Variants in SMARCB1 observed in about 807,000 individuals in gnomAD.
The protein encoded by SMARCB1 is SWI/SNF-related matrix-associated actin-dependent regulator of chromatin subfamily B member 1.
SMARCB1 carries 5 observed loss-of-function variants against 49.0 expected under a neutral mutation model. The observed-to-expected ratio is 0.10, with a 90% CI of 0.05 to 0.21. The LOEUF (loss-of-function observed/expected upper bound fraction) is 0.21. SMARCB1 is among the 10% of genes least tolerant of loss of function. SMARCB1 has a pLI of 1.00. For synonymous variants in SMARCB1, 201 were observed against 200.1 expected (o/e 1.00, Z -0.04); for missense variants, 226 against 509.2 (o/e 0.44, Z 5.35).
chr22:23,814,448 C>G (rs1185217238), intron 5 of SMARCB1, among the ~76,000 whole-genome samples: 2 of 152,078 alleles, frequency 1.3e-5, no homozygotes, highest in Non-Finnish European at 2.9e-5. Context: ...GGCAGATCAC[C>G]TGAGATCACG....
At chr22:23,825,784 G>T in intron 7 of SMARCB1, 1 of 251,094 alleles carries the variant, frequency 4.0e-6, no homozygotes, top group Non-Finnish European at 7.7e-6. Flanking sequence ...GGTGACCCCT[G>T]CCCAGGGTTC....
intron 1 of SMARCB1, among the ~76,000 whole-genome samples, chr22:23,787,891 C>G (rs1287986004): frequency 6.6e-6 from 1 of 152,154 alleles, no homozygotes; most frequent in Non-Finnish European, 1.5e-5. Flanking sequence ...TATCTGTGAA[C>G]TGATTCTGAA....
chr22:23,810,332 C>G (rs112775985), intron 5 of SMARCB1, among the ~76,000 whole-genome samples: 16,288 of 151,288 alleles, frequency 0.11, 1,117 homozygotes, highest in Middle Eastern at 0.22. Context: ...TGAGACCAGC[C>G]TGACCAATAT....
intron 2 of SMARCB1, 45 bp downstream of exon 2, chr22:23,791,939 C>G (rs1928407615): frequency 6.3e-7 from 1 of 1,599,672 alleles, no homozygotes; most frequent in Non-Finnish European, 8.6e-7. Flanking sequence ...AAACCACTCG[C>G]TTATGTCATG....
intron 3 of SMARCB1, among the ~76,000 whole-genome samples, chr22:23,795,213 A>G (rs35922538): frequency 1.1e-3 from 166 of 152,174 alleles, no homozygotes; most frequent in Non-Finnish European, 2.2e-3. Context: ...GCTTGAGCCC[A>G]CGATTTGACT....
chr22:23,837,868 A>G lies in SMARCB1; in HGVS notation c.*3688A>G. On this transcript the variant is annotated 3_prime_UTR_variant, in exon 9 of 9. Transcript: ENST00000644036. ...GAGTCCCAGCAGCTGGGCCAGAGTC[A>G]AGGTGCTCCGGTGCAGGCCTCAGCC... 1 of 1,607,120 alleles carries G rather than the reference A, an allele frequency of 6.2e-7. No homozygotes were observed. Among genetic ancestry groups the G allele is most frequent in the Non-Finnish European group, 8.5e-7 (1 of 1,175,938 alleles).
At chr22:23,820,663 C>A (rs2030037336) in intron 6 of SMARCB1, among the ~76,000 whole-genome samples, 1 of 152,136 alleles carries the variant, frequency 6.6e-6, no homozygotes, top group Non-Finnish European at 1.5e-5. Context: ...TTGATTCAGT[C>A]TCTTTACTTG....
rs553995179 is a variant in SMARCB1, at chr22:23,798,975, G to A, written c.363-1969G>A. On this transcript the variant is annotated intron_variant, in intron 3 of 8. Coordinates refer to ENST00000644036, the MANE Select transcript of SMARCB1 (RefSeq NM_003073.5). The stretch of plus-strand genomic sequence containing the variant: ...TGAGGCAGGAGAATGGCGTGAACCC[G>A]GGAGGCAGACCTTGCATTGAGCCCA... 3.1e-3 allele frequency among the ~76,000 whole-genome samples: 465 copies of A among 151,902 alleles called. 3 individuals carry two copies. The highest frequency in any genetic ancestry group is 0.022 in the South Asian group (108 of 4,800).
chr22:23,807,262 C>T (rs942753504), intron 5 of SMARCB1, among the ~76,000 whole-genome samples: 2 of 152,118 alleles, frequency 1.3e-5, no homozygotes, highest in African/African-American at 4.8e-5. Context: ...CTACAGAAGG[C>T]AAGTTTTTAG....
rs370330467 is a variant in SMARCB1 at position 23,837,819 on chromosome 22, G to A, written c.*3639G>A. Reference sequence around the variant, plus strand: ...ACACCAGCATGGCCATGAGGGCCTGGCCCAGGAAGAACAGGCTGCCCAGGA... The same window carrying A: ...ACACCAGCATGGCCATGAGGGCCTGACCCAGGAAGAACAGGCTGCCCAGGA... On this transcript the variant is annotated 3_prime_UTR_variant, in exon 9 of 9. Coordinates refer to ENST00000644036, the MANE Select transcript of SMARCB1 (RefSeq NM_003073.5). 5 of 1,613,476 alleles carry A rather than the reference G, an allele frequency of 3.1e-6. No homozygotes were observed. In the African/African-American group the frequency reaches 5.3e-5, roughly 17 times the overall value.
At chr22:23,795,681 T>A (rs1048773966) in intron 3 of SMARCB1, among the ~76,000 whole-genome samples, 2 of 133,958 alleles carry the variant, frequency 1.5e-5, no homozygotes, top group South Asian at 2.1e-4. Context: ...AAATAAAAAA[T>A]AAATAAATAA....
chr22:23,830,909 T>C lies in SMARCB1; in HGVS notation c.987-2663T>C, dbSNP rs191472494. Among the ~76,000 whole-genome samples, 731 of 152,246 alleles carry C rather than the reference T, an allele frequency of 4.8e-3. 19 individuals carry two copies. The South Asian group carries it at 0.081, about 17-fold the overall frequency. On this transcript the variant is annotated intron_variant, in intron 7 of 8. Transcript: ENST00000644036. ...CTCTTGACCTCATAATCCGCCCGCC[T>C]CGGCCTCCCAAAGTGCTGGGATTAC...
chr22:23,811,036 CAAAAAA>C (rs56238275), intron 5 of SMARCB1, among the ~76,000 whole-genome samples: 128 of 131,508 alleles, frequency 9.7e-4, no homozygotes, highest in Non-Finnish European at 1.0e-3. Context: ...GACTGTGTCT[CAAAAAA>C]AAAAAAAAAA....
chr22:23,795,143 C>T (rs1361843909), intron 3 of SMARCB1, among the ~76,000 whole-genome samples: 4 of 151,894 alleles, frequency 2.6e-5, no homozygotes, highest in Non-Finnish European at 5.9e-5. Context: ...AAGCATAAGA[C>T]TGGGCATGGT....
At position 23,834,424 on chromosome 22, in the gene SMARCB1, T is replaced by G. The variant is rs767013660; in HGVS notation, c.*244T>G. ...CTCTGGGGTCAGGAAGAAACCTTAT[T>G]TTAGGTTGTGTTTTGTTTTTGTATA... On this transcript the variant is annotated 3_prime_UTR_variant, in exon 9 of 9. Transcript: ENST00000644036. The G allele has an allele frequency of 1.7e-5, 12 of 698,346 alleles. No homozygotes were observed. The South Asian group carries it at 1.8e-4, about 10-fold the overall frequency. 43.3% of individuals were successfully genotyped at this position (698,346 alleles called of 1,614,324 possible).
rs2030842458 is a variant in SMARCB1 at position 23,834,185 on chromosome 22, C to T, written c.*5C>T. On this transcript the variant is annotated 3_prime_UTR_variant, in exon 9 of 9. Coordinates refer to ENST00000644036, the MANE Select transcript of SMARCB1 (RefSeq NM_003073.5). ...AACACGGCCCCGGCCTGGTAACCAG[C>T]CCATCAGCACACGGCTCCCACGGAG... 5 of 1,587,250 alleles carry T rather than the reference C, an allele frequency of 3.2e-6. No homozygotes were observed. The highest frequency in any genetic ancestry group is 4.3e-6 in the Non-Finnish European group (5 of 1,166,922).
intron 2 of SMARCB1, chr22:23,792,497 A>G: frequency 4.9e-6 from 1 of 203,514 alleles, no homozygotes. Flanking sequence ...GCTCTGTGGG[A>G]GACACTCCCA....
At chr22:23,795,756 G>A (rs933553355) in intron 3 of SMARCB1, among the ~76,000 whole-genome samples, 6 of 150,806 alleles carry the variant, frequency 4.0e-5, no homozygotes, top group Non-Finnish European at 7.4e-5. Context: ...TGGGGAAGGT[G>A]TGATAGAACT....
intron 5 of SMARCB1, among the ~76,000 whole-genome samples, chr22:23,812,193 TACC>T (rs1350250902): frequency 6.6e-6 from 1 of 152,176 alleles, no homozygotes; most frequent in Non-Finnish European, 1.5e-5. Context: ...CGGTGGCTCT[TACC>T]TGTAATCCCA....
Sources: gnomAD v4.1 joint callset for allele counts (sites outside exome capture counted in the v4.1 genomes callset) on GRCh38, gnomAD v4.1.1 for gene constraint, MANE v1.5 for transcripts, NCBI Gene and HGNC (gene_info 2026-07-23, HGNC 2026-07-21) for gene names.